Variants in FANCI observed in about 807,000 individuals in gnomAD.
The protein encoded by FANCI is FA complementation group I.
In FANCI, 156 loss-of-function variants were observed where a neutral mutation model predicts 176.1. The observed-to-expected ratio is 0.89, with a 90% CI of 0.78 to 1.01. The LOEUF (loss-of-function observed/expected upper bound fraction) is 1.01, where lower values mean the gene tolerates loss of function less well. FANCI is among the 50% of genes least tolerant of loss of function. The probability of loss-of-function intolerance (pLI) is 0.00; values close to 1 mark genes in which losing one functional copy is unlikely to be tolerated. For missense variants in FANCI, 1,678 were observed against 1,534.1 expected, an observed-to-expected ratio of 1.09 and a Z score of -1.57; for synonymous variants, 613 against 541.7, an observed-to-expected ratio of 1.13 and a Z score of -1.83.
chr15:89,311,135 T>TA (rs1056602093), intron 34 of FANCI, among the ~76,000 whole-genome samples: 3 of 152,128 alleles, frequency 2.0e-5, no homozygotes, highest in Admixed American at 2.0e-4. Context: ...GGCAGGCGCC[T>TA]GTAATCCCAG....
At chr15:89,255,433 A>T (rs1227163096) in intron 2 of FANCI, among the ~76,000 whole-genome samples, 1 of 152,206 alleles carries the variant, frequency 6.6e-6, no homozygotes, top group Non-Finnish European at 1.5e-5. Flanking sequence ...GCATGATCTT[A>T]AAGTGTCTCC....
In FANCI at chr15:89,294,902, T is replaced by C; in HGVS notation, c.2457-13T>C. On this transcript the variant is annotated splice_polypyrimidine_tract_variant and intron_variant, in intron 23 of 37. Transcript: ENST00000310775. ...ATCTTCCTTTTTCTTTCTCTCTCTC[T>C]GTCTCTCTCTAGGGATAGTATCCAA... 1 of 1,549,648 alleles carries C rather than the reference T, an allele frequency of 6.5e-7. No homozygotes were observed. The highest frequency in any genetic ancestry group is 8.7e-7 in the Non-Finnish European group (1 of 1,146,410).
At chr15:89,260,879 G>C (rs775765700) in intron 4 of FANCI, 36 bp downstream of exon 4, 1 of 1,610,920 alleles carries the variant, frequency 6.2e-7, no homozygotes, top group East Asian at 2.2e-5. Flanking sequence ...TTTGGGGGTA[G>C]GTTTTTGAGG....
intron 24 of FANCI, among the ~76,000 whole-genome samples, chr15:89,298,475 G>A (rs955560115): frequency 1.3e-5 from 2 of 152,114 alleles, no homozygotes; most frequent in African/African-American, 4.8e-5. Flanking sequence ...ATATGATCCA[G>A]CCAAAGTGCT....
intron 9 of FANCI, among the ~76,000 whole-genome samples, 190 bp from the exon 10 acceptor site, chr15:89,268,209 C>T (rs2053052524): frequency 1.3e-5 from 2 of 152,182 alleles, no homozygotes; most frequent in Admixed American, 6.5e-5. Context: ...ATCCTCCCAC[C>T]TCAGCCTCCC....
chr15:89,273,230 G>A lies in FANCI; in HGVS notation c.883-147G>A, dbSNP rs993053635. On this transcript the variant is annotated intron_variant, in intron 10 of 37. Transcript: ENST00000310775. Reference sequence around the variant, plus strand: ...AAGCCAGGAGGATCCGTTGAGCCTGGGAAATCAAGGCTGCAGTGAGCTATG... The same window carrying A: ...AAGCCAGGAGGATCCGTTGAGCCTGAGAAATCAAGGCTGCAGTGAGCTATG... 11 of 583,122 alleles carry A rather than the reference G, an allele frequency of 1.9e-5. No individual in the cohort carries two copies. The African/African-American group carries it at 2.1e-4, about 11-fold the overall frequency. 36.1% of individuals were successfully genotyped at this position (583,122 alleles called of 1,614,324 possible). A position where few individuals can be genotyped will look rare whatever the true frequency, so the allele number is the denominator to read the frequency against.
intron 11 of FANCI, 66 bp downstream of exon 11, chr15:89,273,535 A>G: frequency 2.4e-6 from 2 of 840,502 alleles, no homozygotes; most frequent in Non-Finnish European, 3.9e-6. Context: ...AAAAAAAAAA[A>G]TCACAGTAAT....
rs1159299432 is a variant in FANCI at position 89,314,715 on chromosome 15, TTC to T, written c.3816+12_3816+13del. ...CTTTCTAAGAAGTCCAAGGTAAACA[TTC>T]TCTTATTATGTGCTACCATTCCCAT... On this transcript the variant is annotated intron_variant, in intron 36 of 37. Transcript: ENST00000310775. 1 of 1,589,978 alleles carries T rather than the reference TTC, an allele frequency of 6.3e-7. No homozygotes were observed. The highest frequency in any genetic ancestry group is 1.7e-5 in the Admixed American group (1 of 59,972).
At chr15:89,315,644 C>T (rs1354881503) in intron 37 of FANCI, among the ~76,000 whole-genome samples, 2 of 148,992 alleles carry the variant, frequency 1.3e-5, no homozygotes, top group African/African-American at 4.8e-5. Flanking sequence ...TGCTGTGGGT[C>T]CTCTTCCTGT....
chr15:89,277,038 G>A, intron 13 of FANCI, 147 bp downstream of exon 13: 2 of 807,060 alleles, frequency 2.5e-6, no homozygotes, highest in African/African-American at 1.7e-5. Flanking sequence ...GGATAATATT[G>A]AAACATTATA....
chr15:89,304,853 C>A (rs558677273), intron 28 of FANCI, among the ~76,000 whole-genome samples: 16 of 152,012 alleles, frequency 1.1e-4, no homozygotes, highest in African/African-American at 3.6e-4. Context: ...CTTGGCTGAC[C>A]GCAGCCTCCG....
chr15:89,256,929 T>C lies in FANCI; in HGVS notation c.85-1775T>C, dbSNP rs138663147. On this transcript the variant is annotated intron_variant, in intron 2 of 37. Coordinates refer to ENST00000310775, the MANE Select transcript of FANCI (RefSeq NM_001113378.2). ...TCTTTTTTGTTGTTTTTTTTTGATA[T>C]GGAGTCTCGCTCTGTCACCCAGGCT... Among the ~76,000 whole-genome samples the C allele has an allele frequency of 2.7e-3, 411 of 152,252 alleles. 8 individuals carry two copies. Among genetic ancestry groups the C allele is most frequent in the East Asian group, 0.015 (77 of 5,184 alleles).
intron 19 of FANCI, 67 bp from the exon 20 acceptor site, chr15:89,291,546 C>A: frequency 1.6e-6 from 2 of 1,239,332 alleles, no homozygotes; most frequent in Admixed American, 1.7e-5. Flanking sequence ...ATACCTTTCA[C>A]CTGAGAAGTT....
At chr15:89,252,798 G>A (rs185492824) in intron 2 of FANCI, among the ~76,000 whole-genome samples, 1 of 152,270 alleles carries the variant, frequency 6.6e-6, no homozygotes, top group Non-Finnish European at 1.5e-5. Context: ...AAAAAACTAT[G>A]AAACACTTCT....
chr15:89,264,127 C>A, intron 8 of FANCI, 101 bp downstream of exon 8: 1 of 1,289,286 alleles, frequency 7.8e-7, no homozygotes, highest in Non-Finnish European at 1.1e-6. Context: ...GCAAACATAG[C>A]CGAACATAGA....
chr15:89,294,962 G>A lies in FANCI; in HGVS notation c.2504G>A (p.Ser835Asn), dbSNP rs778626493. 12 of 1,552,328 alleles carry A rather than the reference G, an allele frequency of 7.7e-6. No homozygotes were observed. The highest frequency in any genetic ancestry group is 8.7e-6 in the Non-Finnish European group (10 of 1,147,134). The change falls in exon 24 of 38, where the codon AGC becomes AAC. Residue 835 changes from serine (S) to asparagine (N), a missense_variant. By Grantham distance (46) the Ser-to-Asn change is conservative. Around this residue, in one of 3 missense-constraint regions of FANCI, gnomAD observed 1,204 missense variants for 1,077.4 expected, o/e 1.12. Coordinates refer to ENST00000310775, the MANE Select transcript of FANCI (RefSeq NM_001113378.2). ...GAAAGCCTTTCTGTTCTCAGGTCCA[G>A]CAATGAGTTTATGCGCTATGCAGTG... is the stretch of plus-strand genomic sequence containing the variant. ...HQESLSVLRS[S>N]NEFMRYAVNV...
At chr15:89,248,471 A>G (rs1333791091) in intron 2 of FANCI, among the ~76,000 whole-genome samples, 1 of 152,022 alleles carries the variant, frequency 6.6e-6, no homozygotes, top group East Asian at 1.9e-4. Flanking sequence ...GGTGCATCTT[A>G]GTGTGTGTTA....
intron 2 of FANCI, among the ~76,000 whole-genome samples, chr15:89,248,211 AGTAATT>A (rs2052076384): frequency 6.6e-6 from 1 of 152,216 alleles, no homozygotes; most frequent in African/African-American, 2.4e-5. Context: ...AAAATGGGAT[AGTAATT>A]GCCTTATATG....
chr15:89,285,075 A>G (rs1245143740), intron 17 of FANCI, 21 bp from the exon 18 acceptor site: 18 of 1,613,752 alleles, frequency 1.1e-5, no homozygotes, highest in Non-Finnish European at 1.4e-5. Flanking sequence ...ATAGACGTGA[A>G]TTGGCCTGTC....
Sources: allele counts gnomAD v4.1 joint callset (sites outside exome capture counted in the v4.1 genomes callset), GRCh38; gene constraint gnomAD v4.1.1; regional missense constraint gnomAD v4.1.1; transcripts MANE v1.5; gene names NCBI Gene and HGNC (gene_info 2026-07-23, HGNC 2026-07-21).